Variants in EPHA6 observed in about 807,000 individuals in gnomAD.
EPHA6 encodes ephrin type-A receptor 6.
Under a neutral mutation model 112.0 loss-of-function variants are expected in EPHA6, and 50 were observed. The observed-to-expected ratio is 0.45, with a 90% CI of 0.36 to 0.56. The LOEUF (loss-of-function observed/expected upper bound fraction) is 0.56, where lower values mean the gene tolerates loss of function less well. Among genes scored for constraint, EPHA6 ranks in the 20% least tolerant of loss-of-function variants. EPHA6 has a pLI of 0.00. For synonymous variants in EPHA6, 529 were observed against 490.7 expected (o/e 1.08, Z -1.03); for missense variants, 1,280 against 1,417.4 (o/e 0.90, Z 1.56).
chr3:97,440,299 T>C (rs893278537), intron 6 of EPHA6, among the ~76,000 whole-genome samples: 12 of 152,178 alleles, frequency 7.9e-5, no homozygotes, highest in Admixed American at 1.3e-4. Flanking sequence ...TAAGGCCAAA[T>C]TGAGAAATAT....
At chr3:97,222,979 G>A (rs533662733) in intron 3 of EPHA6, among the ~76,000 whole-genome samples, 142 of 152,276 alleles carry the variant, frequency 9.3e-4, no homozygotes, top group Non-Finnish European at 1.7e-3. Context: ...CAGAGTCATC[G>A]GGGTTATAAG....
At chr3:96,863,288 T>C (rs976242983) in intron 1 of EPHA6, among the ~76,000 whole-genome samples, 1 of 151,980 alleles carries the variant, frequency 6.6e-6, no homozygotes, top group Admixed American at 6.6e-5. Context: ...GTTTTTGCTG[T>C]CTGGTAGGGA....
chr3:97,143,259 A>G (rs1261304982), intron 3 of EPHA6, among the ~76,000 whole-genome samples: 6 of 151,752 alleles, frequency 4.0e-5, no homozygotes, highest in Non-Finnish European at 8.9e-5. Flanking sequence ...GGGCACCTAG[A>G]ACCCCAAACT....
chr3:97,727,215 T>C (rs953659691), intron 15 of EPHA6, among the ~76,000 whole-genome samples: 1 of 152,080 alleles, frequency 6.6e-6, no homozygotes, highest in Non-Finnish European at 1.5e-5. Context: ...CCTCCTTGCT[T>C]TTCAAATGCT....
intron 2 of EPHA6, among the ~76,000 whole-genome samples, chr3:96,973,687 A>T (rs1282493340): frequency 6.6e-6 from 1 of 151,148 alleles, no homozygotes; most frequent in African/African-American, 2.4e-5. Context: ...TTAGCCAGGC[A>T]TGGTGGCATG....
At chr3:96,869,873 A>G (rs933338299) in intron 2 of EPHA6, among the ~76,000 whole-genome samples, 4 of 152,076 alleles carry the variant, frequency 2.6e-5, no homozygotes, top group African/African-American at 9.7e-5. Context: ...TTTAATGGCA[A>G]TTGGAGATTA....
At chr3:97,512,870 C>T (rs1371603507) in intron 10 of EPHA6, among the ~76,000 whole-genome samples, 1 of 152,130 alleles carries the variant, frequency 6.6e-6, no homozygotes, top group Non-Finnish European at 1.5e-5. Flanking sequence ...TGGCCCAATA[C>T]TGATTGTTTT....
At chr3:97,701,488 G>T (rs780010368) in intron 14 of EPHA6, among the ~76,000 whole-genome samples, 6 of 152,028 alleles carry the variant, frequency 3.9e-5, no homozygotes, top group Non-Finnish European at 7.4e-5. Context: ...AGCAAAAAAT[G>T]TATTAAGCAC....
At position 97,757,218 on chromosome 3, in the gene EPHA6, A is replaced by C. The variant is rs970160521; in HGVS notation, c.*8517A>C. ...AAAAACTGTTAGAAAAGAGTGAATA[A>C]AAAGTATGTCACAGTACTCTTACTG... On this transcript the variant is annotated 3_prime_UTR_variant, in exon 18 of 18. Transcript: ENST00000389672. 6.6e-6 allele frequency among the ~76,000 whole-genome samples: 1 copy of C among 151,856 alleles called. No homozygotes were observed. Among genetic ancestry groups the C allele is most frequent in the Non-Finnish European group, 1.5e-5 (1 of 67,758 alleles).
At chr3:97,691,967 A>T (rs1311279455) in intron 14 of EPHA6, among the ~76,000 whole-genome samples, 1 of 152,198 alleles carries the variant, frequency 6.6e-6, no homozygotes, top group Non-Finnish European at 1.5e-5. Context: ...AAACTAGGGA[A>T]ATAGTTGCTT....
chr3:97,198,310 T>C (rs928490290), intron 3 of EPHA6, among the ~76,000 whole-genome samples: 8 of 152,094 alleles, frequency 5.3e-5, no homozygotes, highest in African/African-American at 1.9e-4. Flanking sequence ...ACTGAAGTGG[T>C]TATGACCCAT....
chr3:97,059,201 CAG>C (rs1335599673), intron 3 of EPHA6, among the ~76,000 whole-genome samples: 3 of 152,184 alleles, frequency 2.0e-5, no homozygotes, highest in Non-Finnish European at 4.4e-5. Context: ...ATCTGATTTT[CAG>C]AGTCATTGAA....
intron 3 of EPHA6, among the ~76,000 whole-genome samples, chr3:97,006,539 A>AT (rs1279883797): frequency 1.4e-5 from 2 of 146,794 alleles, no homozygotes; most frequent in South Asian, 2.2e-4. Context: ...TTTTTTTTTA[A>AT]TTTTTTCAAA....
At chr3:97,231,174 T>C (rs1212976418) in intron 4 of EPHA6, among the ~76,000 whole-genome samples, 1 of 152,188 alleles carries the variant, frequency 6.6e-6, no homozygotes, top group Non-Finnish European at 1.5e-5. Context: ...TTTGATCTCC[T>C]ACATTGTTAT....
At chr3:96,910,148 T>C (rs2039143502) in intron 2 of EPHA6, among the ~76,000 whole-genome samples, 1 of 152,074 alleles carries the variant, frequency 6.6e-6, no homozygotes. Flanking sequence ...ATAGAAATTA[T>C]TGATGGAAAT....
At chr3:97,331,729 G>C (rs2082808428) in intron 5 of EPHA6, among the ~76,000 whole-genome samples, 1 of 152,052 alleles carries the variant, frequency 6.6e-6, no homozygotes, top group Non-Finnish European at 1.5e-5. Context: ...CCAATAACAG[G>C]ATCTGAAATT....
At chr3:97,715,237 A>G (rs2034161809) in intron 14 of EPHA6, among the ~76,000 whole-genome samples, 1 of 152,200 alleles carries the variant, frequency 6.6e-6, no homozygotes. Context: ...GCAAATGTCA[A>G]AACTCATTAT....
At chr3:97,331,444 A>C (rs1445931654) in intron 5 of EPHA6, among the ~76,000 whole-genome samples, 2 of 152,188 alleles carry the variant, frequency 1.3e-5, no homozygotes, top group East Asian at 3.9e-4. Flanking sequence ...CCTTCAAAAA[A>C]TCAATGAATC....
At chr3:97,646,725 A>T (rs1272726798) in intron 14 of EPHA6, among the ~76,000 whole-genome samples, 1 of 152,158 alleles carries the variant, frequency 6.6e-6, no homozygotes, top group Non-Finnish European at 1.5e-5. Flanking sequence ...TCCACCATGC[A>T]CTGGGTACCT....
Sources: gnomAD v4.1 joint callset for allele counts (sites outside exome capture counted in the v4.1 genomes callset) on GRCh38, gnomAD v4.1.1 for gene constraint, MANE v1.5 for transcripts, NCBI Gene and HGNC (gene_info 2026-07-23, HGNC 2026-07-21) for gene names.